Variants in SPATA22 observed in about 807,000 individuals in gnomAD.
The protein encoded by SPATA22 is spermatogenesis-associated protein 22.
A neutral mutation model predicts 47.8 loss-of-function variants in SPATA22; 29 were observed. The observed-to-expected ratio is 0.61, with a 90% CI of 0.45 to 0.83. The LOEUF (loss-of-function observed/expected upper bound fraction) is 0.83, where lower values mean the gene tolerates loss of function less well. Among genes scored for constraint, SPATA22 ranks in the 40% least tolerant of loss-of-function variants. The pLI is 0.00. For synonymous variants in SPATA22, 133 were observed against 140.9 expected (o/e 0.94, Z 0.40); for missense variants, 410 against 421.7 (o/e 0.97, Z 0.24).
intron 5 of SPATA22, among the ~76,000 whole-genome samples, chr17:3,453,801 C>T (rs1368188846): frequency 6.6e-6 from 1 of 151,916 alleles, no homozygotes; most frequent in Non-Finnish European, 1.5e-5. Flanking sequence ...TTCCAAACTA[C>T]AAAAAAATCT....
At chr17:3,449,907 T>C (rs1478061185) in intron 5 of SPATA22, among the ~76,000 whole-genome samples, 1 of 152,020 alleles carries the variant, frequency 6.6e-6, no homozygotes, top group Admixed American at 6.6e-5. Flanking sequence ...GGCTGGAATG[T>C]AATGGCAAGA....
intron 1 of SPATA22, chr17:3,471,470 T>A (rs1371954796): frequency 5.1e-6 from 5 of 985,270 alleles, no homozygotes; most frequent in African/African-American, 3.5e-5. Context: ...GTGGCGTTAG[T>A]AATGGGGTTG....
At chr17:3,456,099 C>G (rs1255669135) in intron 5 of SPATA22, among the ~76,000 whole-genome samples, 1 of 152,062 alleles carries the variant, frequency 6.6e-6, no homozygotes, top group Admixed American at 6.6e-5. Context: ...CTCTGTTTGT[C>G]TGTTATTGGT....
exon 1 of SPATA22, chr17:3,513,851 AC>A: frequency 9.0e-6 from 10 of 1,105,604 alleles, no homozygotes; most frequent in African/African-American, 3.0e-5. Flanking sequence ...GCCTCTCTGC[AC>A]AGAGTCGGTG....
intron 1 of SPATA22, chr17:3,502,801 C>T (rs765434491): frequency 2.6e-5 from 4 of 152,252 alleles, no homozygotes; most frequent in Non-Finnish European, 4.4e-5. Flanking sequence ...TTCTTCACAG[C>T]TGTCACTTCT....
chr17:3,463,941 C>CTCTGCCTCTCCT, intron 3 of SPATA22, among the ~76,000 whole-genome samples: 1 of 81,602 alleles, frequency 1.2e-5, no homozygotes, highest in Non-Finnish European at 2.5e-5. Context: ...CTCCCTCTCC[C>CTCTGCCTCTCCT]TCTCCCTCTG....
chr17:3,456,015 C>T (rs529955514), intron 5 of SPATA22, among the ~76,000 whole-genome samples: 1,905 of 152,194 alleles, frequency 0.013, 32 homozygotes, highest in African/African-American at 0.042. Context: ...CTTCACGTCC[C>T]TTGTAAGTTG....
intron 2 of SPATA22, among the ~76,000 whole-genome samples, 199 bp from the exon 3 acceptor site, chr17:3,467,753 T>A (rs1044231357): frequency 6.6e-6 from 1 of 152,212 alleles, no homozygotes; most frequent in African/African-American, 2.4e-5. Flanking sequence ...TCAAAAAACT[T>A]TTCTTATTCT....
chr17:3,448,894 A>C lies in SPATA22; in HGVS notation c.585T>G (p.Ser195Arg), dbSNP rs1343919238. 1 of 1,614,032 alleles carries C rather than the reference A, an allele frequency of 6.2e-7. No individual in the cohort carries two copies. ...GCTMRGLDKN[S>R]ALQTLKPNFQ... ...AATTGGGCTTAAGTGTCTGTAGTGC[A>C]CTGTTTTTGTCTAGCCCTCTCATTG... Residue 195 changes from serine to arginine, a missense_variant, in exon 6 of 9, where the codon AGT (serine) becomes AGG (arginine). Transcript: ENST00000572969.
At chr17:3,496,945 A>G (rs144345019) in intron 1 of SPATA22, among the ~76,000 whole-genome samples, 3 of 152,194 alleles carry the variant, frequency 2.0e-5, no homozygotes, top group African/African-American at 7.2e-5. Flanking sequence ...AGGCGCCTGT[A>G]ATCCCAGCTA....
intron 7 of SPATA22, among the ~76,000 whole-genome samples, chr17:3,445,117 G>A (rs1434835949): frequency 2.0e-5 from 3 of 152,150 alleles, no homozygotes; most frequent in African/African-American, 2.4e-5. Flanking sequence ...AATGAGGTGA[G>A]AGCCAAAGGC....
chr17:3,481,943 G>A, intron 1 of SPATA22: 1 of 743,628 alleles, frequency 1.3e-6, no homozygotes, highest in Non-Finnish European at 2.2e-6. Flanking sequence ...GTGGTTGGGG[G>A]GAAAGGGTGC....
intron 1 of SPATA22, among the ~76,000 whole-genome samples, chr17:3,504,562 T>TCA (rs2074024012): frequency 1.4e-5 from 2 of 143,946 alleles, no homozygotes. Context: ...TTCTTTTTTT[T>TCA]TTTTTTTTTT....
chr17:3,511,371 G>A (rs575557835), intron 1 of SPATA22: 6 of 152,250 alleles, frequency 3.9e-5, no homozygotes, highest in Admixed American at 3.9e-4. Context: ...TAATGGCTCA[G>A]GGAGACATCT....
In SPATA22 at chr17:3,471,712, A is replaced by C; in HGVS notation, c.-104T>G. 1 of 985,456 alleles carries C rather than the reference A, an allele frequency of 1.0e-6. No individual in the cohort carries two copies. 61.0% of individuals were successfully genotyped at this position (985,456 alleles called of 1,614,324 possible). A position where few individuals can be genotyped will look rare whatever the true frequency, so the allele number is the denominator to read the frequency against. ...TTCCCTTCTAGGCCCTCCTGCCAACACGACACACAACTTTCGCCCTCAGTT... is the reference window on the plus strand; with the variant it reads ...TTCCCTTCTAGGCCCTCCTGCCAACCCGACACACAACTTTCGCCCTCAGTT... On this transcript the variant is annotated 5_prime_UTR_variant, in exon 1 of 9. Transcript: ENST00000572969.
At chr17:3,479,354 C>T (rs11652568) in intron 1 of SPATA22, among the ~76,000 whole-genome samples, 3 of 152,116 alleles carry the variant, frequency 2.0e-5, no homozygotes, top group East Asian at 3.9e-4. Flanking sequence ...AATTGTCGGG[C>T]GCGACCTCAG....
chr17:3,477,736 G>A (rs187550447), intron 1 of SPATA22, among the ~76,000 whole-genome samples: 1 of 152,194 alleles, frequency 6.6e-6, no homozygotes, highest in East Asian at 1.9e-4. Flanking sequence ...TTATAGGCAT[G>A]AGCCACCGCG....
chr17:3,461,032 GA>G (rs1306633924), intron 5 of SPATA22, among the ~76,000 whole-genome samples: 4 of 152,130 alleles, frequency 2.6e-5, no homozygotes, highest in African/African-American at 9.7e-5. Flanking sequence ...GTATCTATAA[GA>G]ATAGGAGTGT....
intron 7 of SPATA22, among the ~76,000 whole-genome samples, chr17:3,443,833 A>C (rs2072652839): frequency 6.6e-6 from 1 of 151,050 alleles, no homozygotes; most frequent in South Asian, 2.1e-4. Flanking sequence ...TCATTTCTAC[A>C]GTGAGCAAGT....
Sources: allele counts gnomAD v4.1 joint callset (sites outside exome capture counted in the v4.1 genomes callset), GRCh38; gene constraint gnomAD v4.1.1; transcripts MANE v1.5; gene names NCBI Gene and HGNC (gene_info 2026-07-23, HGNC 2026-07-21).